Variants in TMEM260 observed in about 807,000 individuals in gnomAD.
TMEM260 encodes the protein protein O-mannosyl-transferase TMEM260.
A neutral mutation model predicts 88.9 loss-of-function variants in TMEM260; 82 were observed. That is an observed-to-expected ratio of 0.92 (90% CI 0.77 to 1.11). TMEM260 has a LOEUF of 1.11. Ranked by LOEUF, TMEM260 falls within the 50% of genes least tolerant of loss-of-function variation. The pLI, the probability that TMEM260 is intolerant of heterozygous loss-of-function variation, is 0.00. For synonymous variants in TMEM260, 314 were observed against 309.3 expected (o/e 1.02, Z -0.16); for missense variants, 902 against 853.4 (o/e 1.06, Z -0.71).
chr14:56,579,851 G>A lies in TMEM260; in HGVS notation c.-64G>A, dbSNP rs563393547. The A allele has an allele frequency of 3.5e-4, 432 of 1,221,912 alleles. No individual in the cohort carries two copies. The highest frequency in any genetic ancestry group is 4.2e-4 in the Non-Finnish European group (416 of 979,226). 75.7% of individuals were successfully genotyped at this position (1,221,912 alleles called of 1,614,324 possible). Reference sequence around the variant, plus strand: ...AAGCTGCGCTCGTCTCTCGGCTGGGGAGCTCCGTGTCGCACCGGGTTCTTG... The same window carrying A: ...AAGCTGCGCTCGTCTCTCGGCTGGGAAGCTCCGTGTCGCACCGGGTTCTTG... On this transcript the variant is annotated 5_prime_UTR_variant, in exon 1 of 16. Transcript: ENST00000261556.
intron 3 of TMEM260, among the ~76,000 whole-genome samples, chr14:56,587,372 A>G (rs1430778735): frequency 6.6e-6 from 1 of 151,946 alleles, no homozygotes; most frequent in Non-Finnish European, 1.5e-5. Context: ...CAACATTATT[A>G]ATTGTTGATA....
chr14:56,639,628 T>A (rs1889412504), intron 15 of TMEM260, among the ~76,000 whole-genome samples: 1 of 152,148 alleles, frequency 6.6e-6, no homozygotes, highest in South Asian at 2.1e-4. Context: ...TTCATCTCAC[T>A]GGGGAGTGCC....
chr14:56,661,032 G>A, the TMEM260 span, among the ~76,000 whole-genome samples: 6 of 152,186 alleles, frequency 3.9e-5, no homozygotes, highest in South Asian at 2.1e-4. Flanking sequence ...AGCTGGAGGC[G>A]GGAGTGGGGA....
chr14:56,654,246 G>T (rs1199624963), downstream of TMEM260, among the ~76,000 whole-genome samples: 6 of 151,952 alleles, frequency 3.9e-5, no homozygotes, highest in African/African-American at 1.5e-4. Flanking sequence ...AAAGGTTTTA[G>T]TGTGACAAGA....
At chr14:56,580,891 T>C (rs1020664877) in intron 1 of TMEM260, among the ~76,000 whole-genome samples, 1 of 152,150 alleles carries the variant, frequency 6.6e-6, no homozygotes, top group African/African-American at 2.4e-5. Flanking sequence ...GAAGAAGCAG[T>C]TTTTGCTGCA....
At chr14:56,661,866 T>C in the TMEM260 span, among the ~76,000 whole-genome samples, 1 of 151,940 alleles carries the variant, frequency 6.6e-6, no homozygotes, top group South Asian at 2.1e-4. Context: ...GGGGGTGGAG[T>C]GGGAGTCCTT....
intron 1 of TMEM260, 93 bp from the exon 2 acceptor site, chr14:56,584,908 G>C (rs761675418): frequency 2.0e-6 from 2 of 987,742 alleles, no homozygotes; most frequent in Non-Finnish European, 3.2e-6. Flanking sequence ...TCAAATTAAT[G>C]CAAAACCCCA....
chr14:56,626,983 A>AT (rs1182771713), intron 12 of TMEM260, among the ~76,000 whole-genome samples: 1 of 152,076 alleles, frequency 6.6e-6, no homozygotes, highest in Non-Finnish European at 1.5e-5. Flanking sequence ...TTTCTGTCCA[A>AT]TTTTTTTAAC....
At chr14:56,654,957 T>C (rs889917729), downstream of TMEM260, among the ~76,000 whole-genome samples, 2 of 152,170 alleles carry the variant, frequency 1.3e-5, no homozygotes, top group Non-Finnish European at 2.9e-5. Flanking sequence ...AATTTGACTC[T>C]TGGTTTATAT....
At chr14:56,580,897 C>G (rs1885083785) in intron 1 of TMEM260, among the ~76,000 whole-genome samples, 1 of 152,162 alleles carries the variant, frequency 6.6e-6, no homozygotes, top group Admixed American at 6.5e-5. Context: ...GCAGTTTTTG[C>G]TGCATGACTA....
the TMEM260 span, among the ~76,000 whole-genome samples, chr14:56,656,952 C>T: frequency 1.3e-4 from 20 of 152,084 alleles, no homozygotes; most frequent in South Asian, 2.1e-4. Context: ...TTACCATGAC[C>T]GTCCTTCCCT....
At chr14:56,624,660 A>G (rs1011210601) in intron 11 of TMEM260, among the ~76,000 whole-genome samples, 3 of 152,176 alleles carry the variant, frequency 2.0e-5, no homozygotes, top group Admixed American at 6.5e-5. Flanking sequence ...CCTTTTTTCT[A>G]GGAGCTCACA....
chr14:56,595,843 T>C (rs969958468), intron 3 of TMEM260, among the ~76,000 whole-genome samples: 3 of 152,150 alleles, frequency 2.0e-5, no homozygotes, highest in Non-Finnish European at 4.4e-5. Context: ...TAAAGTAATA[T>C]GAAAATAAAA....
intron 3 of TMEM260, among the ~76,000 whole-genome samples, chr14:56,597,918 A>G (rs1257826971): frequency 1.3e-5 from 2 of 152,246 alleles, no homozygotes; most frequent in African/African-American, 4.8e-5. Flanking sequence ...ATACAGGAGT[A>G]GGAAATCATT....
chr14:56,612,310 C>G, intron 7 of TMEM260, 25 bp downstream of exon 7: 2 of 1,584,952 alleles, frequency 1.3e-6, no homozygotes, highest in Non-Finnish European at 1.7e-6. Context: ...TTTGAAACTA[C>G]TTTAAAATGA....
chr14:56,659,418 C>G, the TMEM260 span, among the ~76,000 whole-genome samples: 4 of 152,102 alleles, frequency 2.6e-5, no homozygotes, highest in African/African-American at 9.7e-5. Context: ...AGACACAATC[C>G]CTAAGGCCAA....
intron 15 of TMEM260, among the ~76,000 whole-genome samples, chr14:56,645,661 T>C (rs1043272451): frequency 3.9e-5 from 6 of 152,078 alleles, no homozygotes; most frequent in Non-Finnish European, 7.4e-5. Flanking sequence ...TAAAAAATTA[T>C]ACTTAATTTA....
intron 8 of TMEM260, 109 bp downstream of exon 8, chr14:56,616,136 A>C (rs1887580584): frequency 4.1e-6 from 3 of 726,776 alleles, no homozygotes; most frequent in Non-Finnish European, 7.1e-6. Context: ...TACTCCAAAT[A>C]AATGACTCTC....
intron 1 of TMEM260, among the ~76,000 whole-genome samples, chr14:56,584,632 T>G (rs367882918): frequency 2.0e-5 from 3 of 152,268 alleles, no homozygotes; most frequent in Admixed American, 1.3e-4. Flanking sequence ...ACTATAAGGT[T>G]GTATCTTTAT....
Sources: gnomAD v4.1 joint callset for allele counts (sites outside exome capture counted in the v4.1 genomes callset) on GRCh38, gnomAD v4.1.1 for gene constraint, MANE v1.5 for transcripts, NCBI Gene and HGNC (gene_info 2026-07-23, HGNC 2026-07-21) for gene names.